PPP2R2B: variants seen among roughly 807,000 people sequenced by gnomAD.
The protein encoded by PPP2R2B is protein phosphatase 2 regulatory subunit Bbeta.
Under a neutral mutation model 46.0 loss-of-function variants are expected in PPP2R2B, and 5 were observed. The ratio of observed to expected loss-of-function variants is 0.11; its 90% confidence interval spans 0.06 to 0.23. The LOEUF (loss-of-function observed/expected upper bound fraction) is 0.23. PPP2R2B is among the 10% of genes least tolerant of loss of function. PPP2R2B has a pLI of 1.00. For synonymous variants in PPP2R2B, 215 were observed against 206.7 expected (o/e 1.04, Z -0.34); for missense variants, 367 against 575.0 (o/e 0.64, Z 3.70).
chr5:146,698,867 G>A (rs1414051551), intron 3 of PPP2R2B, among the ~76,000 whole-genome samples: 5 of 151,558 alleles, frequency 3.3e-5, no homozygotes, highest in Non-Finnish European at 7.4e-5. Context: ...CGCTGATTAT[G>A]CAATGAGCAA....
chr5:146,693,902 T>C lies in PPP2R2B; in HGVS notation c.335-2662A>G, dbSNP rs377570881. On this transcript the variant is annotated intron_variant, in intron 4 of 9. Transcript: ENST00000394411. Reference sequence around the variant, plus strand: ...AATGATGTCAGCACATCCTATTTCTTATCTGTAACACTGTCAGGGGAGAAA... The same window carrying C: ...AATGATGTCAGCACATCCTATTTCTCATCTGTAACACTGTCAGGGGAGAAA... Among the ~76,000 whole-genome samples, 29 of 152,358 alleles carry C rather than the reference T, an allele frequency of 1.9e-4. 1 individual carries two copies. The East Asian group carries it at 2.7e-3, about 14-fold the overall frequency.
intron 2 of PPP2R2B, among the ~76,000 whole-genome samples, chr5:146,801,522 G>A (rs185610436): frequency 2.4e-4 from 37 of 152,292 alleles, no homozygotes; most frequent in African/African-American, 8.2e-4. Flanking sequence ...GGAGACTGGA[G>A]CACAGAAGAT....
intron 2 of PPP2R2B, among the ~76,000 whole-genome samples, chr5:146,817,447 T>C (rs933159573): frequency 6.6e-6 from 1 of 152,214 alleles, no homozygotes; most frequent in Non-Finnish European, 1.5e-5. Flanking sequence ...CATATATTTA[T>C]AGTGTACAGT....
chr5:146,807,658 A>C lies in PPP2R2B; in HGVS notation c.70+70344T>G, dbSNP rs114901037. Among the ~76,000 whole-genome samples, 1,051 of 151,864 alleles carry C rather than the reference A, an allele frequency of 6.9e-3. 18 individuals are homozygous for C. The highest frequency in any genetic ancestry group is 0.024 in the African/African-American group (995 of 41,466). On this transcript the variant is annotated intron_variant, in intron 2 of 9. Coordinates refer to ENST00000394411, the MANE Select transcript of PPP2R2B (RefSeq NM_181675.4). ...TGGAGATGTAACTTGCCCAAATTCC[A>C]AGCCAGAACGTGACAGAGCTGGGAT...
chr5:146,985,397 T>C (rs1753381822), intron 1 of PPP2R2B, among the ~76,000 whole-genome samples: 1 of 152,204 alleles, frequency 6.6e-6, no homozygotes, highest in African/African-American at 2.4e-5. Flanking sequence ...TGCAGAAGCT[T>C]TTTAAGTCTA....
chr5:147,073,407 C>T (rs1757662831), intron 2 of PPP2R2B, among the ~76,000 whole-genome samples: 1 of 152,140 alleles, frequency 6.6e-6, no homozygotes, highest in Admixed American at 6.5e-5. Flanking sequence ...ATGCTTTCAT[C>T]TTGCACAACT....
intron 1 of PPP2R2B, among the ~76,000 whole-genome samples, chr5:147,021,217 C>G (rs984209272): frequency 6.6e-6 from 1 of 152,098 alleles, no homozygotes; most frequent in Non-Finnish European, 1.5e-5. Flanking sequence ...GGAAAACAAA[C>G]AGACTTAATT....
intron 5 of PPP2R2B, among the ~76,000 whole-genome samples, chr5:146,654,272 G>T (rs140958636): frequency 1.3e-4 from 20 of 152,124 alleles, no homozygotes; most frequent in African/African-American, 4.1e-4. Context: ...CAGGGGAGGT[G>T]GGGGGAGGTG....
chr5:147,056,105 T>G, upstream of PPP2R2B: 1 of 1,055,382 alleles, frequency 9.5e-7, no homozygotes, highest in Non-Finnish European at 1.1e-6. Flanking sequence ...TGTGGTGAGT[T>G]TCTCTTTTCG....
At chr5:146,988,399 T>C (rs1335122175) in intron 1 of PPP2R2B, among the ~76,000 whole-genome samples, 1 of 151,980 alleles carries the variant, frequency 6.6e-6, no homozygotes, top group Non-Finnish European at 1.5e-5. Flanking sequence ...TGTTACAAAA[T>C]TGAAATCATA....
chr5:146,822,321 A>T (rs1053604231), intron 2 of PPP2R2B, among the ~76,000 whole-genome samples: 99 of 152,144 alleles, frequency 6.5e-4, no homozygotes, highest in African/African-American at 2.3e-3. Flanking sequence ...TTGCTCTCCA[A>T]ATAAAATCAC....
At chr5:146,699,359 G>A (rs1183982928) in intron 3 of PPP2R2B, among the ~76,000 whole-genome samples, 4 of 152,050 alleles carry the variant, frequency 2.6e-5, no homozygotes, top group African/African-American at 7.2e-5. Context: ...TTTGTTTCTC[G>A]GATTTAGTGC....
intron 2 of PPP2R2B, among the ~76,000 whole-genome samples, chr5:146,810,081 G>A (rs1757431024): frequency 6.6e-6 from 1 of 152,186 alleles, no homozygotes; most frequent in Non-Finnish European, 1.5e-5. Flanking sequence ...TGCCAGAACT[G>A]GTTTTGCATT....
At chr5:146,836,563 C>G (rs1759295646) in intron 2 of PPP2R2B, among the ~76,000 whole-genome samples, 1 of 152,278 alleles carries the variant, frequency 6.6e-6, no homozygotes, top group African/African-American at 2.4e-5. Flanking sequence ...TTAGCAACTG[C>G]TGCTCTCTGT....
chr5:146,762,516 T>C (rs1754228020), intron 2 of PPP2R2B, among the ~76,000 whole-genome samples: 1 of 152,210 alleles, frequency 6.6e-6, no homozygotes. Context: ...TTTTGGGTAA[T>C]AGAGATGAAA....
intron 2 of PPP2R2B, among the ~76,000 whole-genome samples, chr5:146,797,976 G>T (rs149445262): frequency 6.6e-6 from 1 of 152,276 alleles, no homozygotes; most frequent in African/African-American, 2.4e-5. Context: ...TACAGGCTGA[G>T]AAATAGACAA....
At chr5:146,776,622 G>T (rs1312974735) in intron 2 of PPP2R2B, among the ~76,000 whole-genome samples, 1 of 152,010 alleles carries the variant, frequency 6.6e-6, no homozygotes, top group African/African-American at 2.4e-5. Flanking sequence ...AAAAGCACAG[G>T]TAACAATAAC....
At chr5:146,664,726 T>G (rs1360431495) in intron 5 of PPP2R2B, among the ~76,000 whole-genome samples, 2 of 152,200 alleles carry the variant, frequency 1.3e-5, no homozygotes, top group Non-Finnish European at 2.9e-5. Flanking sequence ...CAATTTACTT[T>G]GTTCAGATCC....
chr5:146,880,643 G>C (rs1170739368), upstream of PPP2R2B, among the ~76,000 whole-genome samples: 2 of 152,156 alleles, frequency 1.3e-5, no homozygotes, highest in Non-Finnish European at 2.9e-5. Context: ...CTGAATCAAG[G>C]GCTAGATTGG....
Sources: allele counts gnomAD v4.1 joint callset (sites outside exome capture counted in the v4.1 genomes callset), GRCh38; gene constraint gnomAD v4.1.1; transcripts MANE v1.5; gene names NCBI Gene and HGNC (gene_info 2026-07-23, HGNC 2026-07-21).